Variants in LRRC4C observed in about 807,000 individuals in gnomAD.
The protein encoded by LRRC4C is leucine-rich repeat-containing protein 4C.
A neutral mutation model predicts 33.6 loss-of-function variants in LRRC4C; 5 were observed. The observed-to-expected ratio is 0.15, with a 90% confidence interval of 0.08 to 0.31. The LOEUF is 0.31. Among genes scored for constraint, LRRC4C ranks in the 10% least tolerant of loss-of-function variants. LRRC4C has a pLI of 1.00. For synonymous variants in LRRC4C, 329 were observed against 302.0 expected, an observed-to-expected ratio of 1.09 and a Z score of -0.93; for missense variants, 560 against 796.7, an observed-to-expected ratio of 0.70 and a Z score of 3.58.
At chr11:40,428,056 T>C (rs979305475) in intron 3 of LRRC4C, among the ~76,000 whole-genome samples, 1 of 152,160 alleles carries the variant, frequency 6.6e-6, no homozygotes, top group Admixed American at 6.5e-5. Flanking sequence ...TTCTCAAGAA[T>C]TGCTTCCTTC....
chr11:41,143,492 TAACGTAGGTTGAG>T (rs1943602271), intron 1 of LRRC4C, among the ~76,000 whole-genome samples: 1 of 152,150 alleles, frequency 6.6e-6, no homozygotes, highest in African/African-American at 2.4e-5. Flanking sequence ...CAACCAAAAT[TAACGTAGGTTGAG>T]AACACTAACA....
intron 1 of LRRC4C, among the ~76,000 whole-genome samples, chr11:41,309,640 T>C (rs1950595549): frequency 6.6e-6 from 1 of 152,330 alleles, no homozygotes. Context: ...CATTGAAATA[T>C]ATAGAAATTA....
At chr11:40,594,070 G>C (rs535896994) in intron 3 of LRRC4C, among the ~76,000 whole-genome samples, 27 of 152,238 alleles carry the variant, frequency 1.8e-4, no homozygotes, top group African/African-American at 5.8e-4. Context: ...GGCCTGCTTT[G>C]TTTTCAAACA....
intron 1 of LRRC4C, among the ~76,000 whole-genome samples, chr11:41,295,058 T>C (rs1465903243): frequency 6.6e-6 from 1 of 152,190 alleles, no homozygotes; most frequent in East Asian, 1.9e-4. Flanking sequence ...TTCAAATCCA[T>C]AAAATGCTTA....
intron 1 of LRRC4C, among the ~76,000 whole-genome samples, chr11:41,311,648 C>T (rs1157904957): frequency 6.6e-6 from 1 of 152,104 alleles, no homozygotes; most frequent in Non-Finnish European, 1.5e-5. Context: ...AATCACCTGC[C>T]TAAACTCACA....
intron 1 of LRRC4C, among the ~76,000 whole-genome samples, chr11:41,163,282 C>CTTTTTTTTTTTTTTTT (rs1207086558): frequency 1.6e-3 from 30 of 18,526 alleles, no homozygotes; most frequent in Non-Finnish European, 3.2e-3. Flanking sequence ...TTTACTGTAA[C>CTTTTTTTTTTTTTTTT]TGTTTTTTTT....
chr11:41,000,282 T>C (rs955597990), intron 1 of LRRC4C, among the ~76,000 whole-genome samples: 2 of 152,136 alleles, frequency 1.3e-5, no homozygotes, highest in South Asian at 2.1e-4. Context: ...AGTCATCCCA[T>C]GCGGAGAATG....
At chr11:41,437,188 T>G (rs1487505359) in intron 1 of LRRC4C, among the ~76,000 whole-genome samples, 1 of 152,172 alleles carries the variant, frequency 6.6e-6, no homozygotes, top group African/African-American at 2.4e-5. Flanking sequence ...CCCACCCTAC[T>G]TCAGCTTCCT....
rs1387004804 is a variant in LRRC4C, at chr11:40,665,346, A to G, written c.-406-17068T>C. 2.3e-4 allele frequency among the ~76,000 whole-genome samples: 5 copies of G among 21,468 alleles called. No individual in the cohort carries two copies. The South Asian group carries it at 4.5e-3, about 19-fold the overall frequency. 14.1% of individuals were successfully genotyped at this position (21,468 alleles called of 152,430 possible). ...AAAAAATATATATATATATATATAT[A>G]TATATATATATATATATGTATATAT... On this transcript the variant is annotated intron_variant, in intron 2 of 6. Transcript: ENST00000528697.
intron 1 of LRRC4C, among the ~76,000 whole-genome samples, chr11:41,232,747 G>GACACACACAC (rs34632647): frequency 9.7e-5 from 14 of 143,630 alleles, no homozygotes; most frequent in Non-Finnish European, 1.5e-4. Flanking sequence ...GTGTTATCAA[G>GACACACACAC]ACACACACAC....
At chr11:41,127,269 T>A (rs1020789550) in intron 1 of LRRC4C, among the ~76,000 whole-genome samples, 2 of 148,532 alleles carry the variant, frequency 1.3e-5, no homozygotes, top group African/African-American at 2.5e-5. Flanking sequence ...TTTTTTTTTT[T>A]AATTTTAGTA....
chr11:40,884,902 T>C (rs1955369891), intron 2 of LRRC4C, among the ~76,000 whole-genome samples: 1 of 152,042 alleles, frequency 6.6e-6, no homozygotes, highest in Non-Finnish European at 1.5e-5. Context: ...ATACTTCATG[T>C]CCTCATTTAC....
At chr11:40,489,562 T>G (rs1231142751) in intron 3 of LRRC4C, among the ~76,000 whole-genome samples, 4 of 152,108 alleles carry the variant, frequency 2.6e-5, no homozygotes, top group African/African-American at 9.7e-5. Context: ...ATTTGTTATT[T>G]CCGTCTCTGT....
At chr11:40,508,527 G>A (rs1185495376) in intron 3 of LRRC4C, among the ~76,000 whole-genome samples, 1 of 152,082 alleles carries the variant, frequency 6.6e-6, no homozygotes, top group Non-Finnish European at 1.5e-5. Flanking sequence ...TTTAGCTCAT[G>A]TACTCACCAG....
chr11:41,438,327 G>A (rs1955507287), intron 1 of LRRC4C, among the ~76,000 whole-genome samples: 1 of 151,906 alleles, frequency 6.6e-6, no homozygotes, highest in Non-Finnish European at 1.5e-5. Context: ...GCTCTTAAAA[G>A]TCTTACATTC....
chr11:40,960,092 G>A (rs1592193806), intron 1 of LRRC4C, among the ~76,000 whole-genome samples: 1 of 150,190 alleles, frequency 6.7e-6, no homozygotes, highest in Non-Finnish European at 1.5e-5. Context: ...GGACATGAAA[G>A]GGAAAAGGAA....
At chr11:40,392,384 G>A (rs1949371350) in intron 3 of LRRC4C, among the ~76,000 whole-genome samples, 1 of 152,104 alleles carries the variant, frequency 6.6e-6, no homozygotes, top group Non-Finnish European at 1.5e-5. Flanking sequence ...ATGAATGCAA[G>A]TTGTTTATAA....
intron 2 of LRRC4C, among the ~76,000 whole-genome samples, chr11:40,657,128 T>C (rs971387683): frequency 6.6e-6 from 1 of 152,200 alleles, no homozygotes; most frequent in Non-Finnish European, 1.5e-5. Flanking sequence ...AATGAATCAT[T>C]GTTTAACAGA....
chr11:40,495,106 T>C (rs930428), intron 3 of LRRC4C, among the ~76,000 whole-genome samples: 78,566 of 151,984 alleles, frequency 0.52, 20,495 homozygotes, highest in East Asian at 0.73. Context: ...TTCTGTTTGC[T>C]ATTCCCAACA....
Sources: gnomAD v4.1 joint callset for allele counts (sites outside exome capture counted in the v4.1 genomes callset) on GRCh38, gnomAD v4.1.1 for gene constraint, MANE v1.5 for transcripts, NCBI Gene and HGNC (gene_info 2026-07-23, HGNC 2026-07-21) for gene names.